KIAA1217: variants seen among roughly 807,000 people sequenced by gnomAD.
The protein encoded by KIAA1217 is KIAA1217, also known as sickle tail protein homolog.
KIAA1217 carries 88 observed loss-of-function variants against 163.9 expected under a neutral mutation model. The ratio of observed to expected loss-of-function variants is 0.54; its 90% CI spans 0.45 to 0.64. The LOEUF (loss-of-function observed/expected upper bound fraction) is 0.64, where lower values mean the gene tolerates loss of function less well. Among genes scored for constraint, KIAA1217 ranks in the 30% least tolerant of loss-of-function variants. The pLI, the probability that KIAA1217 is intolerant of heterozygous loss-of-function variation, is 0.00. For synonymous variants in KIAA1217, 903 were observed against 923.1 expected, an observed-to-expected ratio of 0.98 and a Z score of 0.39; for missense variants, 2,372 against 2,475.0, an observed-to-expected ratio of 0.96 and a Z score of 0.88.
chr10:24,419,827 G>A (rs937645669), intron 3 of KIAA1217, among the ~76,000 whole-genome samples: 12 of 151,954 alleles, frequency 7.9e-5, no homozygotes, highest in African/African-American at 2.9e-4. Context: ...TTATTGTTTT[G>A]TGTGTTATAA....
chr10:23,705,041 A>G (rs1836794951), intron 1 of KIAA1217, among the ~76,000 whole-genome samples: 1 of 152,114 alleles, frequency 6.6e-6, no homozygotes, highest in Admixed American at 6.5e-5. Context: ...TTCGCTAATG[A>G]CTAATGAGGT....
At chr10:24,418,444 A>C (rs2058447291) in intron 3 of KIAA1217, among the ~76,000 whole-genome samples, 1 of 152,248 alleles carries the variant, frequency 6.6e-6, no homozygotes, top group East Asian at 1.9e-4. Flanking sequence ...AGTAGAAAAT[A>C]AATCTTGAAC....
In KIAA1217 at chr10:24,397,139, TCTCA is replaced by T. The variant is rs1267324539; in HGVS notation, c.553+16076_553+16079del. On this transcript the variant is annotated intron_variant, in intron 3 of 20. Transcript: ENST00000376454. ...TTTTTTTTTTTTTTTTGAGACGGAG[TCTCA>T]CTCTGTCACCCAGGCTGGAGTGCAA... Among the ~76,000 whole-genome samples, 18 of 125,564 alleles carry T rather than the reference TCTCA, an allele frequency of 1.4e-4. No homozygotes were observed. In the Admixed American group the frequency reaches 1.8e-3, roughly 13 times the overall value. The allele number at this position is 125,564 out of a possible 152,430, so 82.4% of individuals were successfully genotyped here. A position where few individuals can be genotyped will look rare whatever the true frequency, so the allele number is the denominator to read the frequency against.
At chr10:24,158,785 C>A in intron 2 of KIAA1217, 2 of 467,164 alleles carry the variant, frequency 4.3e-6, no homozygotes, top group South Asian at 3.5e-5. Context: ...ACATGTCTGG[C>A]CGGTAGTAGA....
chr10:23,752,533 T>G (rs1048709872), intron 1 of KIAA1217, among the ~76,000 whole-genome samples: 1 of 152,232 alleles, frequency 6.6e-6, no homozygotes, highest in Non-Finnish European at 1.5e-5. Flanking sequence ...AGGCTCCAAT[T>G]AAAATAACCA....
chr10:23,800,268 G>A (rs1836408717), intron 1 of KIAA1217, among the ~76,000 whole-genome samples: 1 of 152,090 alleles, frequency 6.6e-6, no homozygotes, highest in Non-Finnish European at 1.5e-5. Flanking sequence ...TGGATTTGAG[G>A]GGGTTCATAA....
chr10:23,997,995 C>T (rs1384228750), intron 1 of KIAA1217, among the ~76,000 whole-genome samples: 24 of 141,712 alleles, frequency 1.7e-4, no homozygotes, highest in East Asian at 7.9e-4. Flanking sequence ...TTTTTTTTTT[C>T]CCCCCAAAAC....
At chr10:23,940,302 G>A (rs531075921) in intron 1 of KIAA1217, among the ~76,000 whole-genome samples, 2 of 151,606 alleles carry the variant, frequency 1.3e-5, no homozygotes, top group African/African-American at 4.8e-5. Context: ...TCTACTAAAA[G>A]TACAAAAATT....
chr10:24,415,110 C>CTTTTTTTT (rs71397948), intron 3 of KIAA1217, among the ~76,000 whole-genome samples: 2 of 120,268 alleles, frequency 1.7e-5, no homozygotes, highest in Non-Finnish European at 1.7e-5. Context: ...TGATCTCTCT[C>CTTTTTTTT]TTTTTTTTTT....
intron 2 of KIAA1217, among the ~76,000 whole-genome samples, chr10:24,141,226 C>CCG (rs1491236413): frequency 3.3e-5 from 1 of 30,098 alleles, no homozygotes; most frequent in African/African-American, 1.4e-4. Context: ...AAAGAATAAA[C>CCG]CCCCCCCCCC....
chr10:23,852,408 G>A (rs1839398382), intron 1 of KIAA1217, among the ~76,000 whole-genome samples: 2 of 152,142 alleles, frequency 1.3e-5, no homozygotes, highest in Non-Finnish European at 2.9e-5. Context: ...TGCCGTTTTG[G>A]TTACTGTAGC....
chr10:23,833,821 T>C (rs1353822645), intron 1 of KIAA1217, among the ~76,000 whole-genome samples: 1 of 152,038 alleles, frequency 6.6e-6, no homozygotes, highest in African/African-American at 2.4e-5. Context: ...TGATATAACC[T>C]CTCAGTCTGT....
intron 1 of KIAA1217, among the ~76,000 whole-genome samples, chr10:23,811,554 T>C (rs1265800873): frequency 6.6e-6 from 1 of 151,830 alleles, no homozygotes; most frequent in Non-Finnish European, 1.5e-5. Context: ...AAAAATGCAA[T>C]TTTAAAAAAG....
intron 1 of KIAA1217, among the ~76,000 whole-genome samples, chr10:23,734,597 A>C (rs1235829846): frequency 1.3e-5 from 2 of 151,670 alleles, no homozygotes; most frequent in East Asian, 3.9e-4. Context: ...CCAAGTTTTA[A>C]ACTTTTTATC....
chr10:24,501,606 T>C (rs2067595352), intron 9 of KIAA1217, 61 bp downstream of exon 9: 4 of 1,492,224 alleles, frequency 2.7e-6, no homozygotes, highest in African/African-American at 2.8e-5. Context: ...ACCTTCCTTT[T>C]CCTAGGGGCT....
At chr10:24,292,992 T>A (rs1457793298) in intron 2 of KIAA1217, among the ~76,000 whole-genome samples, 2 of 152,184 alleles carry the variant, frequency 1.3e-5, no homozygotes, top group Non-Finnish European at 2.9e-5. Context: ...TGCTACAAGC[T>A]GCACTTCAAG....
chr10:24,252,502 G>A (rs1431641205), intron 2 of KIAA1217, among the ~76,000 whole-genome samples: 1 of 152,132 alleles, frequency 6.6e-6, no homozygotes, highest in Non-Finnish European at 1.5e-5. Flanking sequence ...ATTGCTTGAG[G>A]CCAGAAGGTT....
chr10:24,374,970 A>G (rs747189867), intron 2 of KIAA1217, among the ~76,000 whole-genome samples: 5 of 152,058 alleles, frequency 3.3e-5, no homozygotes, highest in Non-Finnish European at 7.4e-5. Context: ...TTTTTTGTAG[A>G]GACAGAGTCT....
At chr10:23,843,834 C>A (rs1207797538) in intron 1 of KIAA1217, among the ~76,000 whole-genome samples, 1 of 152,114 alleles carries the variant, frequency 6.6e-6, no homozygotes, top group South Asian at 2.1e-4. Flanking sequence ...CCTAACCAGG[C>A]AAACTTGGTT....
Sources: allele counts gnomAD v4.1 joint callset (sites outside exome capture counted in the v4.1 genomes callset), GRCh38; gene constraint gnomAD v4.1.1; transcripts MANE v1.5; gene names NCBI Gene and HGNC (gene_info 2026-07-23, HGNC 2026-07-21).